Variants in GCA observed in about 807,000 individuals in gnomAD.
GCA encodes the protein grancalcin, also known as grancalcin, EF-hand calcium-binding protein.
GCA carries 30 observed loss-of-function variants against 32.6 expected under a neutral mutation model. The ratio of observed to expected loss-of-function variants is 0.92; its 90% confidence interval spans 0.69 to 1.25. The LOEUF (loss-of-function observed/expected upper bound fraction) is 1.25, where lower values mean the gene tolerates loss of function less well. GCA is among the 50% of genes most tolerant of loss of function. The pLI is 0.00. For missense variants in GCA, 291 were observed against 266.8 expected, an observed-to-expected ratio of 1.09 and a Z score of -0.63; for synonymous variants, 102 against 84.6, an observed-to-expected ratio of 1.21 and a Z score of -1.13.
At chr2:162,347,551 T>C in intron 1 of GCA, 27 bp from the exon 2 acceptor site, 2 of 1,480,544 alleles carry the variant, frequency 1.4e-6, no homozygotes, top group Non-Finnish European at 1.8e-6. Context: ...TTTATATTAC[T>C]AACCTTCTCC....
At chr2:162,333,449 G>T (rs1684164925) in intron 1 of GCA, among the ~76,000 whole-genome samples, 1 of 151,936 alleles carries the variant, frequency 6.6e-6, no homozygotes, top group African/African-American at 2.4e-5. Context: ...GAGTATTTGT[G>T]TTGAGGGTAT....
chr2:162,353,822 A>C (rs1167086309), intron 3 of GCA, among the ~76,000 whole-genome samples: 2 of 152,120 alleles, frequency 1.3e-5, no homozygotes, highest in Non-Finnish European at 2.9e-5. Context: ...CGTTTTCTTC[A>C]ATGATATTTT....
intron 1 of GCA, among the ~76,000 whole-genome samples, chr2:162,328,407 C>T (rs539794751): frequency 2.6e-5 from 4 of 151,824 alleles, no homozygotes; most frequent in Non-Finnish European, 5.9e-5. Context: ...GAAAAGAAAA[C>T]AGAGCCTCTT....
chr2:162,336,506 T>C (rs981893460), intron 1 of GCA, among the ~76,000 whole-genome samples: 2 of 152,228 alleles, frequency 1.3e-5, no homozygotes, highest in African/African-American at 4.8e-5. Flanking sequence ...CTAAAGATTC[T>C]GTTGCTAGGT....
chr2:162,365,408 A>T (rs1265973661), downstream of GCA, among the ~76,000 whole-genome samples: 1 of 151,676 alleles, frequency 6.6e-6, no homozygotes, highest in Non-Finnish European at 1.5e-5. Flanking sequence ...TCAATACCAC[A>T]TACCAATCTT....
intron 1 of GCA, among the ~76,000 whole-genome samples, chr2:162,330,987 A>G (rs181401780): frequency 1.3e-5 from 2 of 152,338 alleles, no homozygotes; most frequent in African/African-American, 4.8e-5. Context: ...TGATTCATCA[A>G]CATTGAATTC....
Position 162,344,151 on chromosome 2 carries a change from C to T in GCA, c.-98C>T, listed in dbSNP as rs1423782035. On this transcript the variant is annotated 5_prime_UTR_variant, in exon 1 of 8. Coordinates refer to ENST00000437150, the MANE Select transcript of GCA (RefSeq NM_012198.5). ...GCGGTTAGTGCGCCTTTCAGCCTCACCTGCAGCTGCGCCTCCTTGCACCTG... is the reference window on the plus strand; with the variant it reads ...GCGGTTAGTGCGCCTTTCAGCCTCATCTGCAGCTGCGCCTCCTTGCACCTG... 25 of 1,322,546 alleles carry T rather than the reference C, an allele frequency of 1.9e-5. No individual in the cohort carries two copies. Among genetic ancestry groups the T allele is most frequent in the Non-Finnish European group, 2.4e-5 (22 of 921,492 alleles). The allele number at this position is 1,322,546 out of a possible 1,614,324, so 81.9% of individuals were successfully genotyped here.
intron 3 of GCA, 26 bp downstream of exon 3, chr2:162,352,433 G>A: frequency 7.6e-7 from 1 of 1,314,862 alleles, no homozygotes. Context: ...CCCTTTTGTT[G>A]AAATTATAAT....
Position 162,344,242 on chromosome 2 carries a change from G to C in GCA, c.-7G>C, listed in dbSNP as rs754048627. Reference sequence around the variant, plus strand: ...GGGTGACGCTCGCTCCGCTCGTCCCGCTCGTCATGGCCTACCCGGGATACG... The same window carrying C: ...GGGTGACGCTCGCTCCGCTCGTCCCCCTCGTCATGGCCTACCCGGGATACG... On this transcript the variant is annotated 5_prime_UTR_variant, in exon 1 of 8. Coordinates refer to ENST00000437150, the MANE Select transcript of GCA (RefSeq NM_012198.5). 6.2e-7 allele frequency: 1 copy of C among 1,613,510 alleles called. No individual in the cohort carries two copies. Among genetic ancestry groups the C allele is most frequent in the Non-Finnish European group, 8.5e-7 (1 of 1,179,860 alleles).
rs761940724 is a variant in GCA at position 162,347,612 on chromosome 2, A to G, written c.62A>G (p.Gln21Arg). ...TTTAGCATTCAGGTGCCAGGAATGC[A>G]GATGGGACAGCCAGTGCCAGAAACA... ...GNFSIQVPGMQMGQPVPETGP... is the reference protein window; with the variant it reads ...GNFSIQVPGMRMGQPVPETGP... The change falls in exon 2 of 8, where the codon CAG (glutamine) becomes CGG (arginine). Residue 21 changes from glutamine (Q) to arginine (R), a missense_variant. Gln to Arg is a conservative substitution (Grantham distance 43). Coordinates refer to ENST00000437150, the MANE Select transcript of GCA (RefSeq NM_012198.5). 6.2e-7 allele frequency: 1 copy of G among 1,609,540 alleles called. No individual in the cohort carries two copies. Among genetic ancestry groups the G allele is most frequent in the Non-Finnish European group, 8.5e-7 (1 of 1,177,068 alleles).
intron 2 of GCA, among the ~76,000 whole-genome samples, chr2:162,352,000 G>A (rs1685023309): frequency 6.6e-6 from 1 of 152,032 alleles, no homozygotes; most frequent in Admixed American, 6.6e-5. Flanking sequence ...GGATGTTTTC[G>A]AGACTTTTCT....
At chr2:162,333,426 C>A (rs1684164413) in intron 1 of GCA, among the ~76,000 whole-genome samples, 1 of 151,986 alleles carries the variant, frequency 6.6e-6, no homozygotes, top group African/African-American at 2.4e-5. Context: ...CTGTGTGTTT[C>A]ATTTATCTAT....
At chr2:162,341,693 C>A (rs913736609), upstream of GCA, among the ~76,000 whole-genome samples, 1 of 151,898 alleles carries the variant, frequency 6.6e-6, no homozygotes, top group South Asian at 2.1e-4. Flanking sequence ...AGCCTTTTTT[C>A]TTTTATGGTG....
At chr2:162,375,198 T>C (rs1686118071), downstream of GCA, among the ~76,000 whole-genome samples, 1 of 152,222 alleles carries the variant, frequency 6.6e-6, no homozygotes, top group Non-Finnish European at 1.5e-5. Context: ...ACTAACAGCA[T>C]TCAGTTGTGA....
chr2:162,337,194 A>G (rs1334355248), intron 1 of GCA, among the ~76,000 whole-genome samples: 3 of 152,186 alleles, frequency 2.0e-5, no homozygotes, highest in Non-Finnish European at 4.4e-5. Flanking sequence ...AATGGAAGCA[A>G]TAGCAGGAAA....
At chr2:162,355,283 T>C (rs1483189893) in intron 3 of GCA, among the ~76,000 whole-genome samples, 1 of 152,106 alleles carries the variant, frequency 6.6e-6, no homozygotes, top group Non-Finnish European at 1.5e-5. Flanking sequence ...ATCTATTGAG[T>C]TGTCAATTTG....
At chr2:162,343,722 AT>A (rs1684525663), upstream of GCA, among the ~76,000 whole-genome samples, 1 of 152,242 alleles carries the variant, frequency 6.6e-6, no homozygotes, top group South Asian at 2.1e-4. Flanking sequence ...AAATTTTGAA[AT>A]TCACAGATGG....
At chr2:162,324,302 A>T (rs1218036372) in intron 1 of GCA, among the ~76,000 whole-genome samples, 6 of 152,126 alleles carry the variant, frequency 3.9e-5, no homozygotes, top group Admixed American at 3.3e-4. Flanking sequence ...TTGGAGAATG[A>T]GTGCAAGCTT....
At chr2:162,343,154 AT>A (rs1187837718), upstream of GCA, among the ~76,000 whole-genome samples, 3 of 152,174 alleles carry the variant, frequency 2.0e-5, no homozygotes, top group Non-Finnish European at 4.4e-5. Context: ...TGATAGCCTT[AT>A]TTTTAAGAAA....
Sources: allele counts gnomAD v4.1 joint callset (sites outside exome capture counted in the v4.1 genomes callset), GRCh38; gene constraint gnomAD v4.1.1; transcripts MANE v1.5; gene names NCBI Gene and HGNC (gene_info 2026-07-23, HGNC 2026-07-21).